The following PCLO variants were observed in gnomAD, a reference collection of about 807,000 sequenced individuals.
PCLO encodes the protein piccolo presynaptic cytomatrix protein, also known as protein piccolo.
PCLO carries 82 observed loss-of-function variants against 427.5 expected under a neutral mutation model. The ratio of observed to expected loss-of-function variants is 0.19; its 90% CI spans 0.16 to 0.23. The LOEUF is 0.23. PCLO is among the 10% of genes least tolerant of loss of function. The pLI, the probability that PCLO is intolerant of heterozygous loss-of-function variation, is 1.00. For synonymous variants in PCLO, 2,357 were observed against 2,155.4 expected (o/e 1.09, Z -2.59); for missense variants, 6,239 against 6,115.9 (o/e 1.02, Z -0.67).
At chr7:82,807,863 G>C (rs896547502) in intron 20 of PCLO, among the ~76,000 whole-genome samples, 2 of 151,920 alleles carry the variant, frequency 1.3e-5, no homozygotes, top group Admixed American at 6.6e-5. Context: ...TCAAGGAATT[G>C]CTAGTAACCC....
At chr7:82,809,571 A>G (rs1410967324) in intron 20 of PCLO, among the ~76,000 whole-genome samples, 1 of 150,190 alleles carries the variant, frequency 6.7e-6, no homozygotes, top group African/African-American at 2.5e-5. Flanking sequence ...CTTGTCCCGG[A>G]ACCATGTTTG....
intron 3 of PCLO, among the ~76,000 whole-genome samples, chr7:83,055,235 C>A (rs1020432730): frequency 1.3e-5 from 2 of 152,208 alleles, no homozygotes; most frequent in Non-Finnish European, 2.9e-5. Flanking sequence ...CGCCTTCTCA[C>A]CCATTGGGCA....
chr7:82,983,439 A>C (rs1796192030), intron 3 of PCLO, among the ~76,000 whole-genome samples: 1 of 150,934 alleles, frequency 6.6e-6, no homozygotes, highest in South Asian at 2.1e-4. Flanking sequence ...TGTTTAATTT[A>C]TTAAAATACT....
intron 3 of PCLO, among the ~76,000 whole-genome samples, chr7:83,037,445 G>A (rs973392760): frequency 3.3e-5 from 5 of 151,978 alleles, no homozygotes; most frequent in Non-Finnish European, 7.4e-5. Context: ...AGGTTTGTTA[G>A]ATTTTTACTG....
chr7:83,063,900 T>C (rs1487317850), intron 3 of PCLO, among the ~76,000 whole-genome samples: 5 of 152,104 alleles, frequency 3.3e-5, no homozygotes, highest in South Asian at 2.1e-4. Context: ...TTTGCACTGA[T>C]AAATATCCTC....
At position 82,951,909 on chromosome 7, in the gene PCLO, T is replaced by C; in HGVS notation, c.9044A>G (p.Tyr3015Cys). Residue 3015 changes from tyrosine to cysteine, a missense_variant, in exon 5 of 25, where the codon TAT becomes TGT. Physicochemically the swap from Tyr to Cys is radical, Grantham distance 194. Around this residue, in one of 5 missense-constraint regions of PCLO, gnomAD observed 4,677 missense variants for 4,468.4 expected, o/e 1.05. Transcript: ENST00000333891. ...TACTGCTGTGTCAGTTCCTTCAGAA[T>C]AATCAAAAGCATTCTTACTTTTATA... ...FFYKSKNAFD[Y>C]SEGTDTAVDL... The C allele has an allele frequency of 6.2e-7, 1 of 1,613,888 alleles. No individual in the cohort carries two copies. Among genetic ancestry groups the C allele is most frequent in the Non-Finnish European group, 8.5e-7 (1 of 1,179,834 alleles).
At chr7:82,910,022 T>C (rs1057513253) in intron 7 of PCLO, among the ~76,000 whole-genome samples, 1 of 152,134 alleles carries the variant, frequency 6.6e-6, no homozygotes, top group Non-Finnish European at 1.5e-5. Flanking sequence ...CCCTAATATA[T>C]AGAATTTTCC....
chr7:83,074,263 G>C (rs1229967944), intron 3 of PCLO, among the ~76,000 whole-genome samples: 3 of 151,866 alleles, frequency 2.0e-5, no homozygotes, highest in African/African-American at 4.8e-5. Flanking sequence ...GAAACAGAGA[G>C]AGACAAAGAG....
At chr7:83,093,492 A>ATATATATCTATATTTATTTTTTT in intron 3 of PCLO, among the ~76,000 whole-genome samples, 1 of 59,342 alleles carries the variant, frequency 1.7e-5, no homozygotes, top group Non-Finnish European at 3.3e-5. Context: ...ATATATATAT[A>ATATATATCTATATTTATTTTTTT]TTTTTTTTTT....
chr7:82,806,309 G>T (rs1442930332), intron 20 of PCLO, among the ~76,000 whole-genome samples: 1 of 152,058 alleles, frequency 6.6e-6, no homozygotes, highest in African/African-American at 2.4e-5. Flanking sequence ...ATGCAAAATA[G>T]AATTTTAAGA....
intron 3 of PCLO, among the ~76,000 whole-genome samples, chr7:83,020,478 G>A (rs1788315707): frequency 6.6e-6 from 1 of 150,960 alleles, no homozygotes; most frequent in African/African-American, 2.4e-5. Context: ...GAAAAGAGCT[G>A]GAAGGAACTA....
intron 3 of PCLO, among the ~76,000 whole-genome samples, chr7:83,082,156 TC>T (rs1562954728): frequency 6.6e-6 from 1 of 151,174 alleles, no homozygotes. Context: ...TGTAAAATCC[TC>T]AACAATAAAA....
chr7:82,990,883 C>G (rs576640676), intron 3 of PCLO, among the ~76,000 whole-genome samples: 4 of 152,138 alleles, frequency 2.6e-5, no homozygotes, highest in Admixed American at 2.0e-4. Context: ...TCATACATAT[C>G]CATAACAATA....
intron 3 of PCLO, among the ~76,000 whole-genome samples, chr7:83,093,492 A>ATATATATATTTTTTTTTTTT: frequency 2.4e-4 from 14 of 59,290 alleles, no homozygotes; most frequent in African/African-American, 4.3e-4. Context: ...ATATATATAT[A>ATATATATATTTTTTTTTTTT]TTTTTTTTTT....
intron 22 of PCLO, among the ~76,000 whole-genome samples, chr7:82,798,371 T>G (rs1791271873): frequency 6.6e-6 from 1 of 152,148 alleles, no homozygotes; most frequent in Non-Finnish European, 1.5e-5. Flanking sequence ...AAAAATTGAA[T>G]TGACTCGTTT....
At chr7:83,035,894 T>C (rs1486406770) in intron 3 of PCLO, among the ~76,000 whole-genome samples, 2 of 152,208 alleles carry the variant, frequency 1.3e-5, no homozygotes, top group African/African-American at 4.8e-5. Context: ...TTTATTACAC[T>C]ACATTAGAGA....
chr7:82,870,559 A>G (rs775436500), intron 10 of PCLO, among the ~76,000 whole-genome samples: 3 of 152,070 alleles, frequency 2.0e-5, no homozygotes, highest in African/African-American at 7.2e-5. Context: ...CCTCAAAAGC[A>G]CAAGCAACAA....
chr7:83,122,304 T>C (rs1584051922), intron 3 of PCLO, among the ~76,000 whole-genome samples: 1 of 123,810 alleles, frequency 8.1e-6, no homozygotes. Flanking sequence ...TTTTTTTTTT[T>C]TTATGGTGTT....
chr7:83,078,322 C>T (rs897140731), intron 3 of PCLO, among the ~76,000 whole-genome samples: 2 of 152,022 alleles, frequency 1.3e-5, no homozygotes, highest in Non-Finnish European at 2.9e-5. Flanking sequence ...GGTAGCTCTG[C>T]ACCAGCTCTT....
Sources: gnomAD v4.1 joint callset for allele counts (sites outside exome capture counted in the v4.1 genomes callset) on GRCh38, gnomAD v4.1.1 for gene constraint, gnomAD v4.1.1 regional missense constraint, MANE v1.5 for transcripts, NCBI Gene and HGNC (gene_info 2026-07-23, HGNC 2026-07-21) for gene names.